Variants in MRPS6 observed in about 807,000 individuals in gnomAD.
The protein encoded by MRPS6 is mitochondrial ribosomal protein S6.
MRPS6 carries 6 observed loss-of-function variants against 13.1 expected under a neutral mutation model. The observed-to-expected ratio is 0.46, with a 90% CI of 0.25 to 0.91. The LOEUF (loss-of-function observed/expected upper bound fraction) is 0.91, where lower values mean the gene tolerates loss of function less well. MRPS6 is among the 40% of genes least tolerant of loss of function. MRPS6 has a pLI of 0.18. For synonymous variants in MRPS6, 61 were observed against 56.5 expected, an observed-to-expected ratio of 1.08 and a Z score of -0.36; for missense variants, 164 against 155.6, an observed-to-expected ratio of 1.05 and a Z score of -0.29.
chr21:34,076,589 G>A (rs1305178291), intron 1 of MRPS6, among the ~76,000 whole-genome samples: 2 of 152,172 alleles, frequency 1.3e-5, no homozygotes, highest in Non-Finnish European at 2.9e-5. Flanking sequence ...GTGTTTCTAA[G>A]AAGAAATTTA....
intron 1 of MRPS6, among the ~76,000 whole-genome samples, chr21:34,081,087 C>T (rs1989448487): frequency 6.6e-6 from 1 of 152,150 alleles, no homozygotes; most frequent in Non-Finnish European, 1.5e-5. Context: ...AAAATAATGA[C>T]TGTAGAATTA....
Position 34,130,620 on chromosome 21 carries a change from AAT to A in MRPS6, c.185+5144_185+5145del, listed in dbSNP as rs143459750. Among the ~76,000 whole-genome samples the A allele has an allele frequency of 1.7e-3, 257 of 152,304 alleles. 2 individuals are homozygous for A. Among genetic ancestry groups the A allele is most frequent in the African/African-American group, 6.0e-3 (248 of 41,558 alleles). On this transcript the variant is annotated intron_variant, in intron 2 of 2. Transcript: ENST00000399312. The stretch of plus-strand genomic sequence containing the variant: ...TTTGTAGCATGTGAGTGTCTTAAGA[AAT>A]ATAAAGGAGGGCACATTATCACCTG...
At position 34,142,415 on chromosome 21, in the gene MRPS6, T is replaced by A; in HGVS notation, c.193T>A (p.Leu65Met). ...SQQHNRGGYF[L>M]VDFYAPTAAV... ...GTTTTTATTTTATTGCAGGTATTTC[T>A]TGGTGGATTTTTATGCACCCACCGC... The change falls in exon 3 of 3, where the codon TTG becomes ATG. Residue 65 changes from leucine to methionine, a missense_variant. Transcript: ENST00000399312. 1 of 1,569,494 alleles carries A rather than the reference T, an allele frequency of 6.4e-7. No individual in the cohort carries two copies. Among genetic ancestry groups the A allele is most frequent in the Non-Finnish European group, 8.6e-7 (1 of 1,160,584 alleles).
intron 2 of MRPS6, among the ~76,000 whole-genome samples, chr21:34,133,729 T>C (rs1367095263): frequency 6.6e-6 from 1 of 152,102 alleles, no homozygotes; most frequent in East Asian, 1.9e-4. Flanking sequence ...CAGCAGCACA[T>C]TACTCTAAGC....
At position 34,096,843 on chromosome 21, in the gene MRPS6, A is replaced by G; in HGVS notation, c.45+23098A>G. ...GATTCGAACCACCACCTTTTGGTCT[A>G]AGAAGAACCTGGTGGTGAAGGAGAA... On this transcript the variant is annotated intron_variant, in intron 1 of 2. Transcript: ENST00000399312. The surrounding 1 kb of genome is among the most constrained non-coding windows in gnomAD (Gnocchi z 5.9). 2 of 1,614,076 alleles carry G rather than the reference A, an allele frequency of 1.2e-6. No homozygotes were observed. The highest frequency in any genetic ancestry group is 1.7e-6 in the Non-Finnish European group (2 of 1,179,972).
chr21:34,100,219 CCAGTTCTTAGACTTTTGTCTTCT>C (rs1274411688), intron 1 of MRPS6: 1 of 1,000,026 alleles, frequency 1.0e-6, no homozygotes, highest in Non-Finnish European at 1.2e-6. Context: ...AATGGTATCC[CCAGTTCTTAGACTTTTGTCTTCT>C]CAGGCAATTT....
chr21:34,124,520 A>G (rs993798989), intron 1 of MRPS6: 1 of 149,096 alleles, frequency 6.7e-6, no homozygotes, highest in Non-Finnish European at 1.5e-5. Context: ...TTTTTTAAAT[A>G]ACAGGCCTTG....
intron 1 of MRPS6, among the ~76,000 whole-genome samples, chr21:34,112,710 C>T (rs1465888601): frequency 6.6e-6 from 1 of 152,164 alleles, no homozygotes; most frequent in Non-Finnish European, 1.5e-5. Context: ...TGGCAGCTCC[C>T]AATCCCCCCT....
intron 1 of MRPS6, among the ~76,000 whole-genome samples, chr21:34,091,260 AG>A (rs1336398655): frequency 7.0e-3 from 1 of 142 alleles, no homozygotes; most frequent in Non-Finnish European, 0.012. Flanking sequence ...TACTCTTTGC[AG>A]GCCCCGCCCT....
chr21:34,102,996 T>G (rs1035345385), intron 1 of MRPS6: 7 of 999,950 alleles, frequency 7.0e-6, no homozygotes, highest in Non-Finnish European at 6.0e-6. Context: ...TTTATTGCTC[T>G]TAGACAGAGT....
At position 34,142,753 on chromosome 21, in the gene MRPS6, TG is replaced by T; in HGVS notation, c.*154del. The T allele has an allele frequency of 1.1e-6, 1 of 870,548 alleles. No individual in the cohort carries two copies. Among genetic ancestry groups the T allele is most frequent in the South Asian group, 2.5e-5 (1 of 40,342 alleles). The allele number at this position is 870,548 out of a possible 1,614,324, so 53.9% of individuals were successfully genotyped here. A position where few individuals can be genotyped will look rare whatever the true frequency, so the allele number is the denominator to read the frequency against. Reference sequence around the variant, plus strand: ...GGTATTTTTAGCCCTTGATCCCCTTTGCTTGCGAGAGGTGGGGAACTGCTCA... The same window carrying T: ...GGTATTTTTAGCCCTTGATCCCCTTTCTTGCGAGAGGTGGGGAACTGCTCA... On this transcript the variant is annotated 3_prime_UTR_variant, in exon 3 of 3. Transcript: ENST00000399312.
chr21:34,133,265 C>T (rs926662201), intron 2 of MRPS6, among the ~76,000 whole-genome samples: 1 of 151,930 alleles, frequency 6.6e-6, no homozygotes, highest in Non-Finnish European at 1.5e-5. Context: ...TTCTTTTTAC[C>T]CTTATCACAT....
chr21:34,104,850 G>A, intron 1 of MRPS6: 1 of 1,000,018 alleles, frequency 1.0e-6, no homozygotes, highest in Non-Finnish European at 1.2e-6. Flanking sequence ...ATTTAAGATA[G>A]TTTGTAAGAA....
At chr21:34,116,489 A>G (rs896559111) in intron 1 of MRPS6, among the ~76,000 whole-genome samples, 1 of 151,976 alleles carries the variant, frequency 6.6e-6, no homozygotes, top group East Asian at 1.9e-4. Flanking sequence ...CCATTGGGCA[A>G]TAAGATTTCC....
At chr21:34,130,944 C>T (rs1044256534) in intron 2 of MRPS6, among the ~76,000 whole-genome samples, 14 of 152,174 alleles carry the variant, frequency 9.2e-5, no homozygotes, top group Non-Finnish European at 1.5e-4. Context: ...AAACACTGCT[C>T]GGCTTTGTGT....
intron 2 of MRPS6, among the ~76,000 whole-genome samples, chr21:34,125,826 G>A (rs1213678673): frequency 6.6e-6 from 1 of 152,166 alleles, no homozygotes; most frequent in Non-Finnish European, 1.5e-5. Flanking sequence ...CAAACATAGT[G>A]TATCAGTTTT....
intron 2 of MRPS6, among the ~76,000 whole-genome samples, chr21:34,141,242 T>A (rs910050672): frequency 2.0e-5 from 3 of 152,130 alleles, no homozygotes; most frequent in African/African-American, 7.2e-5. Context: ...TGTGCTTTAG[T>A]GGAGTGAGGC....
chr21:34,096,432 A>G lies in MRPS6; in HGVS notation c.45+22687A>G. 6.2e-7 allele frequency: 1 copy of G among 1,614,152 alleles called. No homozygotes were observed. The highest frequency in any genetic ancestry group is 8.5e-7 in the Non-Finnish European group (1 of 1,180,014). The stretch of plus-strand genomic sequence containing the variant: ...CTCCCGGGAGTTAATGATTGTGGGG[A>G]GGATATTTGTGGCATTTATGGTGGT... On this transcript the variant is annotated intron_variant, in intron 1 of 2. Transcript: ENST00000399312. The surrounding 1 kb of genome is among the most constrained non-coding windows in gnomAD (Gnocchi z 5.9).
chr21:34,076,344 C>T (rs184886217), intron 1 of MRPS6, among the ~76,000 whole-genome samples: 22 of 152,232 alleles, frequency 1.4e-4, no homozygotes, highest in African/African-American at 4.8e-4. Context: ...ATTTAAAATA[C>T]AGGCCCTGTG....
Sources: allele counts gnomAD v4.1 joint callset (sites outside exome capture counted in the v4.1 genomes callset), GRCh38; gene constraint gnomAD v4.1.1; non-coding constraint Gnocchi (gnomAD v3.1); transcripts MANE v1.5; gene names NCBI Gene and HGNC (gene_info 2026-07-23, HGNC 2026-07-21).